The following UBR3 variants were observed in gnomAD, a reference collection of about 807,000 sequenced individuals.
UBR3 encodes the protein ubiquitin protein ligase E3 component n-recognin 3.
UBR3 carries 85 observed loss-of-function variants against 243.2 expected under a neutral mutation model. That is an observed-to-expected ratio of 0.35 (90% CI 0.29 to 0.42). The LOEUF (loss-of-function observed/expected upper bound fraction) is 0.42. Among genes scored for constraint, UBR3 ranks in the 10% least tolerant of loss-of-function variants. The pLI, the probability that UBR3 is intolerant of heterozygous loss-of-function variation, is 1.00. For synonymous variants in UBR3, 748 were observed against 799.8 expected (o/e 0.94, Z 1.09); for missense variants, 1,686 against 2,300.8 (o/e 0.73, Z 5.47).
At chr2:169,995,758 TTAG>T (rs1157678415) in intron 26 of UBR3, among the ~76,000 whole-genome samples, 6 of 152,228 alleles carry the variant, frequency 3.9e-5, no homozygotes, top group African/African-American at 1.4e-4. Flanking sequence ...TCTTACAAAC[TTAG>T]TAGTTTTTTT....
At chr2:170,008,272 G>T (rs545981447) in intron 28 of UBR3, among the ~76,000 whole-genome samples, 1 of 152,168 alleles carries the variant, frequency 6.6e-6, no homozygotes, top group Non-Finnish European at 1.5e-5. Context: ...TGTGAAAATT[G>T]TGAATATTTG....
intron 25 of UBR3, among the ~76,000 whole-genome samples, chr2:169,988,706 G>A (rs1404732149): frequency 6.6e-6 from 1 of 152,138 alleles, no homozygotes; most frequent in Non-Finnish European, 1.5e-5. Context: ...AGAGGCCAAG[G>A]TGGGAGGATT....
chr2:170,075,816 C>A (rs2091794315), intron 36 of UBR3, among the ~76,000 whole-genome samples: 1 of 151,562 alleles, frequency 6.6e-6, no homozygotes, highest in African/African-American at 2.4e-5. Context: ...CTGTGAATTA[C>A]TACTTCTGAA....
intron 17 of UBR3, 128 bp from the exon 18 acceptor site, chr2:169,928,599 G>A (rs2085999045): frequency 3.3e-6 from 2 of 613,778 alleles, no homozygotes; most frequent in Non-Finnish European, 5.1e-6. Flanking sequence ...GCCCTCTTGT[G>A]GCCAGCTTTG....
At chr2:170,061,544 T>C in intron 35 of UBR3, 101 bp downstream of exon 35, 18 of 1,433,916 alleles carry the variant, frequency 1.3e-5, no homozygotes, top group Non-Finnish European at 1.7e-5. Flanking sequence ...CTCGGCTTAC[T>C]GCAACCTCCG....
At chr2:170,072,736 G>A (rs181405237) in intron 35 of UBR3, among the ~76,000 whole-genome samples, 23 of 152,160 alleles carry the variant, frequency 1.5e-4, no homozygotes, top group Admixed American at 1.5e-3. Context: ...GAGGATAATA[G>A]GAATTGATTC....
At chr2:169,884,485 A>G (rs894968549) in intron 5 of UBR3, among the ~76,000 whole-genome samples, 3 of 152,212 alleles carry the variant, frequency 2.0e-5, no homozygotes, top group Non-Finnish European at 2.9e-5. Context: ...AGAAGAAAAT[A>G]TACTGAAATT....
At chr2:170,063,910 G>T (rs937755282) in intron 35 of UBR3, among the ~76,000 whole-genome samples, 2 of 152,124 alleles carry the variant, frequency 1.3e-5, no homozygotes, top group Non-Finnish European at 2.9e-5. Flanking sequence ...TGGAGCCATA[G>T]GATACATTCT....
chr2:170,047,197 G>A (rs1235398662), intron 32 of UBR3, among the ~76,000 whole-genome samples: 2 of 151,542 alleles, frequency 1.3e-5, no homozygotes, highest in African/African-American at 2.4e-5. Flanking sequence ...CGGTGTCGGG[G>A]GGGGGGTCTC....
intron 31 of UBR3, among the ~76,000 whole-genome samples, chr2:170,032,565 G>T: frequency 1.3e-5 from 1 of 78,250 alleles, no homozygotes; most frequent in African/African-American, 5.0e-5. Context: ...TTTTCTTTGT[G>T]CTTGATGACA....
chr2:169,867,346 A>G (rs1233378178), intron 1 of UBR3, among the ~76,000 whole-genome samples: 1 of 152,218 alleles, frequency 6.6e-6, no homozygotes, highest in Non-Finnish European at 1.5e-5. Flanking sequence ...AGATATAATT[A>G]TACTTCAGTG....
intron 35 of UBR3, among the ~76,000 whole-genome samples, chr2:170,071,994 C>T (rs958287106): frequency 6.6e-6 from 1 of 152,096 alleles, no homozygotes. Context: ...CTAGTTCAAC[C>T]ATTGTGGAAG....
At chr2:169,904,673 A>T (rs902947706) in intron 8 of UBR3, among the ~76,000 whole-genome samples, 1 of 152,186 alleles carries the variant, frequency 6.6e-6, no homozygotes, top group African/African-American at 2.4e-5. Flanking sequence ...AATTAAATGT[A>T]CATCTCTTGA....
intron 27 of UBR3, among the ~76,000 whole-genome samples, chr2:170,003,932 G>T: frequency 6.6e-6 from 1 of 152,230 alleles, no homozygotes; most frequent in South Asian, 2.1e-4. Flanking sequence ...GAGCCACTGT[G>T]CCTGGCCATC....
intron 24 of UBR3, among the ~76,000 whole-genome samples, chr2:169,967,569 C>T (rs1318384441): frequency 6.6e-6 from 1 of 151,944 alleles, no homozygotes; most frequent in Non-Finnish European, 1.5e-5. Flanking sequence ...TTTTTGTCAA[C>T]AAAAATTGAG....
At chr2:170,026,711 C>T (rs2105420265) in intron 30 of UBR3, among the ~76,000 whole-genome samples, 1 of 152,156 alleles carries the variant, frequency 6.6e-6, no homozygotes, top group Non-Finnish European at 1.5e-5. Flanking sequence ...ATGTGTTATA[C>T]TAGGAAAGGA....
chr2:169,949,737 G>C lies in UBR3; in HGVS notation c.3217G>C (p.Gly1073Arg). ...AACTTCAAGTAAATGGTCTGCTCCT[G>C]GTTCAGCTCCACAGTTAACTACAGC... ...PKTSSKWSAPGSAPQLTTAIL... is the reference protein window; with the variant it reads ...PKTSSKWSAPRSAPQLTTAIL... The change falls in exon 23 of 39, where the codon GGT becomes CGT. Residue 1073 changes from glycine (G) to arginine (R), a missense_variant. Physicochemically the swap from Gly to Arg is moderately radical, Grantham distance 125. This residue lies in a region of UBR3 where 300 missense variants were observed against 314.4 expected (regional missense o/e 0.95). Transcript: ENST00000272793. 1 of 1,551,584 alleles carries C rather than the reference G, an allele frequency of 6.4e-7. No homozygotes were observed. Among genetic ancestry groups the C allele is most frequent in the Non-Finnish European group, 8.7e-7 (1 of 1,146,766 alleles).
intron 32 of UBR3, among the ~76,000 whole-genome samples, chr2:170,043,917 G>A (rs1478863781): frequency 6.6e-6 from 1 of 152,086 alleles, no homozygotes; most frequent in Non-Finnish European, 1.5e-5. Context: ...CTGTCATTGT[G>A]GTGATGAATT....
At position 170,007,777 on chromosome 2, in the gene UBR3, T is replaced by G. The variant is rs530798012; in HGVS notation, c.4230+587T>G. On this transcript the variant is annotated intron_variant, in intron 28 of 38. Coordinates refer to ENST00000272793, the MANE Select transcript of UBR3 (RefSeq NM_172070.4). ...TACACGGGAGGCTGAGGCAGGAGAA[T>G]TGCTTAAACCCAGGAGCCGGAGGTT... is the stretch of plus-strand genomic sequence containing the variant. 4.6e-5 allele frequency among the ~76,000 whole-genome samples: 7 copies of G among 152,184 alleles called. No individual in the cohort carries two copies. The South Asian group carries it at 1.5e-3, about 32-fold the overall frequency.
Sources: allele counts gnomAD v4.1 joint callset (sites outside exome capture counted in the v4.1 genomes callset), GRCh38; gene constraint gnomAD v4.1.1; regional missense constraint gnomAD v4.1.1; transcripts MANE v1.5; gene names NCBI Gene and HGNC (gene_info 2026-07-23, HGNC 2026-07-21).